Variants in LIN9 observed in about 807,000 individuals in gnomAD.
LIN9 encodes the protein protein lin-9 homolog.
LIN9 carries 18 observed loss-of-function variants against 78.0 expected under a neutral mutation model. The ratio of observed to expected loss-of-function variants is 0.23; its 90% CI spans 0.16 to 0.34. The LOEUF (loss-of-function observed/expected upper bound fraction) is 0.34. Among genes scored for constraint, LIN9 ranks in the 10% least tolerant of loss-of-function variants. The pLI is 1.00. For synonymous variants in LIN9, 192 were observed against 215.2 expected, an observed-to-expected ratio of 0.89 and a Z score of 0.94; for missense variants, 451 against 644.1, an observed-to-expected ratio of 0.70 and a Z score of 3.25.
intron 10 of LIN9, among the ~76,000 whole-genome samples, chr1:226,260,660 T>C (rs1659517840): frequency 1.1e-5 from 1 of 94,284 alleles, no homozygotes; most frequent in Non-Finnish European, 2.0e-5. Context: ...TTTTTTTTTT[T>C]TTGAGACAGT....
rs1022297976 is a variant in LIN9 at position 226,231,718 on chromosome 1, TATC to T, written c.*780_*782del. The stretch of plus-strand genomic sequence containing the variant: ...ACAAAAAAATATGAAAATAGTGTGT[TATC>T]ATTTTTTTTTTAATAAATCTCACAA... On this transcript the variant is annotated 3_prime_UTR_variant, in exon 15 of 15. Transcript: ENST00000681046. 6.5e-6 allele frequency: 1 copy of T among 154,952 alleles called. No individual in the cohort carries two copies. Among genetic ancestry groups the T allele is most frequent in the Non-Finnish European group, 1.4e-5 (1 of 69,770 alleles). The allele number at this position is 154,952 out of a possible 1,614,324, so 9.6% of individuals were successfully genotyped here.
At chr1:226,307,015 G>A (rs1182600531) in intron 1 of LIN9, among the ~76,000 whole-genome samples, 2 of 152,164 alleles carry the variant, frequency 1.3e-5, no homozygotes, top group Non-Finnish European at 2.9e-5. Flanking sequence ...TAATATAAAT[G>A]ATTAGGTTAT....
In LIN9 at chr1:226,239,012, G is replaced by A. The variant is rs767816095; in HGVS notation, c.1204C>T (p.Leu402=). 1 of 1,613,688 alleles carries A rather than the reference G, an allele frequency of 6.2e-7. No homozygotes were observed. Among genetic ancestry groups the A allele is most frequent in the South Asian group, 1.1e-5 (1 of 91,042 alleles). Residue 402 remains leucine (L), a synonymous_variant, in exon 12 of 15, where the codon CTA becomes TTA. Coordinates refer to ENST00000681046, the MANE Select transcript of LIN9 (RefSeq NM_001366245.2). The part of the protein sequence containing the change: ...VLELEQLNKD[L]NKVLHKVQQY... ...TGAACTTTATGCAAAACTTTGTTTA[G>A]GTCCTTGTTCAGCTGTTCAAGCTCC...
intron 10 of LIN9, among the ~76,000 whole-genome samples, chr1:226,261,540 C>T (rs1029228841): frequency 2.6e-5 from 4 of 152,032 alleles, no homozygotes; most frequent in Non-Finnish European, 5.9e-5. Context: ...ACCTTAACAC[C>T]CCCCAAAATG....
intron 1 of LIN9, among the ~76,000 whole-genome samples, chr1:226,307,497 G>T (rs193079950): frequency 1.3e-5 from 2 of 152,338 alleles, no homozygotes; most frequent in African/African-American, 4.8e-5. Flanking sequence ...TTAGGCAGGC[G>T]TGGTGGCACA....
rs1259168747 is a variant in LIN9, at chr1:226,265,043, T to C, written c.1038+490A>G. Among the ~76,000 whole-genome samples the C allele has an allele frequency of 3.9e-5, 6 of 152,202 alleles. No individual in the cohort carries two copies. On this transcript the variant is annotated intron_variant, in intron 10 of 14. Coordinates refer to ENST00000681046, the MANE Select transcript of LIN9 (RefSeq NM_001366245.2). The surrounding 1 kb of genome is among the most constrained non-coding windows in gnomAD (Gnocchi z 4.1). ...AGGAAATTTTCCAATATAATACTTC[T>C]ACACTTAGTTCAGTTTAGGCTTAGA...
chr1:226,252,767 G>GA (rs1658920553), intron 10 of LIN9, among the ~76,000 whole-genome samples: 1 of 152,140 alleles, frequency 6.6e-6, no homozygotes, highest in South Asian at 2.1e-4. Context: ...AGGAGTTTGA[G>GA]ACCAACCTGG....
Position 226,268,032 on chromosome 1 carries a change from A to T in LIN9, c.741T>A (p.Thr247=), listed in dbSNP as rs146968727. The change falls in exon 8 of 15, where the codon ACT becomes ACA. Residue 247 remains threonine, a synonymous_variant. Coordinates refer to ENST00000681046, the MANE Select transcript of LIN9 (RefSeq NM_001366245.2). ...AAGTTACTCTATAAGTAGCATTAAG[A>T]GTATCCACAGCATCTATTTGTCCAG... is the stretch of plus-strand genomic sequence containing the variant. ...LFTGQIDAVD[T]LNATYRVTFD... The T allele has an allele frequency of 2.2e-5, 35 of 1,614,088 alleles. No individual in the cohort carries two copies. The African/African-American group carries it at 4.5e-4, about 21-fold the overall frequency.
At chr1:226,268,172 A>C in intron 7 of LIN9, 82 bp from the exon 8 acceptor site, 1 of 1,352,366 alleles carries the variant, frequency 7.4e-7, no homozygotes, top group Non-Finnish European at 1.0e-6. Flanking sequence ...CATGTAATTT[A>C]AATCATAGTA....
chr1:226,273,255 A>ATT (rs1660422296), intron 7 of LIN9, among the ~76,000 whole-genome samples: 6 of 109,336 alleles, frequency 5.5e-5, no homozygotes, highest in African/African-American at 1.9e-4. Context: ...TTAATTAGGT[A>ATT]ATTTTTTTTT....
rs1418686816 is a variant in LIN9 at position 226,232,261 on chromosome 1, A to T, written c.*240T>A. 2.5e-5 allele frequency: 10 copies of T among 403,364 alleles called. No homozygotes were observed. Among genetic ancestry groups the T allele is most frequent in the Middle Eastern group, 6.2e-4 (1 of 1,626 alleles). 25.0% of individuals were successfully genotyped at this position (403,364 alleles called of 1,614,324 possible). A position where few individuals can be genotyped will look rare whatever the true frequency, so the allele number is the denominator to read the frequency against. Reference sequence around the variant, plus strand: ...ATATTTCAGTTTAAAAATATTTGTGAATATAAACATATGTAACATAAGCAA... The same window carrying T: ...ATATTTCAGTTTAAAAATATTTGTGTATATAAACATATGTAACATAAGCAA... On this transcript the variant is annotated 3_prime_UTR_variant, in exon 15 of 15. Transcript: ENST00000681046.
chr1:226,261,065 T>C (rs1466968622), intron 10 of LIN9, among the ~76,000 whole-genome samples: 1 of 152,014 alleles, frequency 6.6e-6, no homozygotes, highest in African/African-American at 2.4e-5. Context: ...AGGCAAAGTA[T>C]TTGACAAAAT....
chr1:226,264,482 A>C (rs1659792056), intron 10 of LIN9, among the ~76,000 whole-genome samples: 1 of 152,236 alleles, frequency 6.6e-6, no homozygotes, highest in African/African-American at 2.4e-5. Flanking sequence ...ACCTTTCCTC[A>C]AAATAACATC....
At chr1:226,278,957 T>TAAAAA (rs398053860) in intron 6 of LIN9, among the ~76,000 whole-genome samples, 1 of 115,694 alleles carries the variant, frequency 8.6e-6, no homozygotes. Flanking sequence ...CCGTCTCTAC[T>TAAAAA]AAAAAAAAAA....
chr1:226,259,759 GT>G (rs1322097977), intron 10 of LIN9, among the ~76,000 whole-genome samples: 1 of 152,030 alleles, frequency 6.6e-6, no homozygotes, highest in Admixed American at 6.6e-5. Flanking sequence ...CAAAATTTGT[GT>G]GATGCAGCCA....
chr1:226,235,343 AG>A (rs1657626796), intron 12 of LIN9, among the ~76,000 whole-genome samples: 2 of 149,546 alleles, frequency 1.3e-5, no homozygotes, highest in African/African-American at 5.0e-5. Context: ...AAAAAAAAAA[AG>A]AGTTTCAGGA....
At chr1:226,260,630 T>TTTTTG in intron 10 of LIN9, among the ~76,000 whole-genome samples, 1 of 10,206 alleles carries the variant, frequency 9.8e-5, no homozygotes, top group African/African-American at 5.0e-4. Flanking sequence ...CCAAATGAGT[T>TTTTTG]TTTTTTTTTT....
chr1:226,299,225 C>T (rs969487080), intron 2 of LIN9, among the ~76,000 whole-genome samples: 2 of 151,778 alleles, frequency 1.3e-5, no homozygotes, highest in Non-Finnish European at 2.9e-5. Context: ...GAATGAGTGC[C>T]GGGTGCAGTG....
At chr1:226,259,817 T>C (rs1002978523) in intron 10 of LIN9, among the ~76,000 whole-genome samples, 1 of 151,082 alleles carries the variant, frequency 6.6e-6, no homozygotes, top group African/African-American at 2.4e-5. Context: ...CATATATTAG[T>C]AAAGAAGACT....
Sources: gnomAD v4.1 joint callset for allele counts (sites outside exome capture counted in the v4.1 genomes callset) on GRCh38, gnomAD v4.1.1 for gene constraint, Gnocchi (gnomAD v3.1) non-coding constraint, MANE v1.5 for transcripts, NCBI Gene and HGNC (gene_info 2026-07-23, HGNC 2026-07-21) for gene names.